TMEM97: variants seen among roughly 807,000 people sequenced by gnomAD.
TMEM97 encodes the protein transmembrane protein 97, also known as sigma intracellular receptor 2.
Under a neutral mutation model 18.3 loss-of-function variants are expected in TMEM97, and 13 were observed. The ratio of observed to expected loss-of-function variants is 0.71; its 90% CI spans 0.46 to 1.13. TMEM97 has a LOEUF of 1.13. TMEM97 is among the 50% of genes most tolerant of loss of function. TMEM97 has a pLI of 0.00. For missense variants in TMEM97, 205 were observed against 210.5 expected, an observed-to-expected ratio of 0.97 and a Z score of 0.16; for synonymous variants, 76 against 85.3, an observed-to-expected ratio of 0.89 and a Z score of 0.60.
At position 28,326,608 on chromosome 17, in the gene TMEM97, T is replaced by C. The variant is rs782810615; in HGVS notation, c.346T>C (p.Ser116Pro). 3 of 1,614,158 alleles carry C rather than the reference T, an allele frequency of 1.9e-6. No individual in the cohort carries two copies. Among genetic ancestry groups the C allele is most frequent in the East Asian group, 2.2e-5 (1 of 44,872 alleles). Residue 116 changes from serine (S) to proline (P), a missense_variant, in exon 3 of 3, where the codon TCC (serine) becomes CCC (proline). Coordinates refer to ENST00000226230, the MANE Select transcript of TMEM97 (RefSeq NM_014573.3). The part of the protein sequence containing the change: ...HTMTTLIPIL[S>P]TFLFEDFSKA... ...CATGACAACCTTAATTCCGATACTC[T>C]CCACATTTCTGTTTGAGGATTTCTC... is the stretch of plus-strand genomic sequence containing the variant.
chr17:28,325,358 A>G (rs1400692293), intron 1 of TMEM97, 145 bp from the exon 2 acceptor site: 14 of 1,023,708 alleles, frequency 1.4e-5, no homozygotes, highest in Non-Finnish European at 1.7e-5. Flanking sequence ...GTGTCACAAA[A>G]GCCAGCTGGA....
At position 28,326,905 on chromosome 17, in the gene TMEM97, G is replaced by T; in HGVS notation, c.*112G>T. Reference sequence around the variant, plus strand: ...GTCTTCAGCAGCATTTGAAACACTGGCAGCAATGCACAAGAGCAAGATGGT... The same window carrying T: ...GTCTTCAGCAGCATTTGAAACACTGTCAGCAATGCACAAGAGCAAGATGGT... On this transcript the variant is annotated 3_prime_UTR_variant, in exon 3 of 3. Transcript: ENST00000226230. 5.5e-6 allele frequency: 7 copies of T among 1,268,154 alleles called. No homozygotes were observed. The highest frequency in any genetic ancestry group is 7.6e-6 in the Non-Finnish European group (7 of 920,580). 78.6% of individuals were successfully genotyped at this position (1,268,154 alleles called of 1,614,324 possible).
At chr17:28,326,488 G>C in intron 2 of TMEM97, 46 bp from the exon 3 acceptor site, 1 of 1,586,654 alleles carries the variant, frequency 6.3e-7, no homozygotes, top group Non-Finnish European at 8.6e-7. Flanking sequence ...ACACCTTTGA[G>C]TCATGAACAG....
chr17:28,320,053 ATAGTTT>A (rs1271003485), intron 1 of TMEM97, among the ~76,000 whole-genome samples: 1 of 152,116 alleles, frequency 6.6e-6, no homozygotes. Context: ...CTTCAAAGCT[ATAGTTT>A]TAGTTTCCCG....
chr17:28,328,097 A>G lies in TMEM97; in HGVS notation c.*1304A>G, dbSNP rs1223230071. On this transcript the variant is annotated 3_prime_UTR_variant, in exon 3 of 3. Coordinates refer to ENST00000226230, the MANE Select transcript of TMEM97 (RefSeq NM_014573.3). ...GTCTTTGCTCAAGTTCAACCTTAAA[A>G]TGATGTTAGACAACAGGTCCCAGTC... 6.5e-6 allele frequency: 1 copy of G among 153,134 alleles called. No individual in the cohort carries two copies. The highest frequency in any genetic ancestry group is 6.5e-5 in the Admixed American group (1 of 15,290). 9.5% of individuals were successfully genotyped at this position (153,134 alleles called of 1,614,324 possible). A position where few individuals can be genotyped will look rare whatever the true frequency, so the allele number is the denominator to read the frequency against.
chr17:28,320,027 A>G (rs1555574758), intron 1 of TMEM97, among the ~76,000 whole-genome samples: 1 of 152,180 alleles, frequency 6.6e-6, no homozygotes, highest in East Asian at 1.9e-4. Context: ...ACTCTGCTTT[A>G]ATGCTTTGTT....
intron 1 of TMEM97, among the ~76,000 whole-genome samples, chr17:28,324,397 ATT>A (rs1333372303): frequency 6.6e-6 from 1 of 152,190 alleles, no homozygotes; most frequent in Non-Finnish European, 1.5e-5. Context: ...TGGGGCTTCT[ATT>A]TCACAATAGC....
intron 1 of TMEM97, among the ~76,000 whole-genome samples, chr17:28,320,239 G>T (rs1406497874): frequency 1.3e-5 from 2 of 152,158 alleles, no homozygotes; most frequent in African/African-American, 4.8e-5. Context: ...ATCTGCCGAG[G>T]AGGGGTTCTT....
intron 1 of TMEM97, 30 bp downstream of exon 1, chr17:28,319,395 C>T: frequency 1.4e-6 from 2 of 1,399,684 alleles, no homozygotes; most frequent in Non-Finnish European, 1.8e-6. Context: ...TCCCGGCCCG[C>T]TGAGGCTCTC....
intron 1 of TMEM97, among the ~76,000 whole-genome samples, chr17:28,321,300 C>A (rs1033039351): frequency 6.6e-6 from 1 of 152,218 alleles, no homozygotes; most frequent in Non-Finnish European, 1.5e-5. Flanking sequence ...TTCCAGACTT[C>A]ACAGCTGTTG....
rs1906370285 is a variant in TMEM97, at chr17:28,326,806, C to G, written c.*13C>G. ...AAAAAAAAAATGAAGGAAACAACCA[C>G]TGGCCCAGGGTAGAGATGCCTACAG... On this transcript the variant is annotated 3_prime_UTR_variant, in exon 3 of 3. Transcript: ENST00000226230. 1.2e-6 allele frequency: 2 copies of G among 1,607,338 alleles called. No homozygotes were observed. Among genetic ancestry groups the G allele is most frequent in the East Asian group, 2.2e-5 (1 of 44,886 alleles).
rs782802077 is a variant in TMEM97, at chr17:28,326,749, C to G, written c.487C>G (p.Arg163Gly). The part of the protein sequence containing the change: ...IPFILLIFML[R>G]SPYYKYEEKR... Reference sequence around the variant, plus strand: ...ATTCATACTTTTAATTTTCATGTTGCGGAGCCCCTACTACAAGTATGAAGA... The same window carrying G: ...ATTCATACTTTTAATTTTCATGTTGGGGAGCCCCTACTACAAGTATGAAGA... Residue 163 changes from arginine to glycine, a missense_variant, in exon 3 of 3, where the codon CGG becomes GGG. Arg to Gly is a moderately radical substitution (Grantham distance 125). Coordinates refer to ENST00000226230, the MANE Select transcript of TMEM97 (RefSeq NM_014573.3). 2 of 1,613,600 alleles carry G rather than the reference C, an allele frequency of 1.2e-6. No individual in the cohort carries two copies. The highest frequency in any genetic ancestry group is 1.7e-6 in the Non-Finnish European group (2 of 1,179,956).
In TMEM97 at chr17:28,327,091, A is replaced by G. The variant is rs1410959913; in HGVS notation, c.*298A>G. 1 of 372,542 alleles carries G rather than the reference A, an allele frequency of 2.7e-6. No individual in the cohort carries two copies. Among genetic ancestry groups the G allele is most frequent in the African/African-American group, 2.0e-5 (1 of 48,924 alleles). The allele number at this position is 372,542 out of a possible 1,614,324, so 23.1% of individuals were successfully genotyped here. A position where few individuals can be genotyped will look rare whatever the true frequency, so the allele number is the denominator to read the frequency against. ...AGCCATCTTCCTTAGCCTCCCAAGT[A>G]GCTAGAACTACAGGTGTGTACCAAC... is the stretch of plus-strand genomic sequence containing the variant. On this transcript the variant is annotated 3_prime_UTR_variant, in exon 3 of 3. Coordinates refer to ENST00000226230, the MANE Select transcript of TMEM97 (RefSeq NM_014573.3).
chr17:28,326,213 C>T (rs1018674611), intron 2 of TMEM97, among the ~76,000 whole-genome samples: 2 of 152,200 alleles, frequency 1.3e-5, no homozygotes, highest in Admixed American at 6.5e-5. Context: ...AATTACTGAA[C>T]AAACAGATGC....
Position 28,326,668 on chromosome 17 carries a change from A to T in TMEM97, c.406A>T (p.Thr136Ser), listed in dbSNP as rs782284222. ...ASGFKGQRPE[T>S]LHERLTLVSV... Reference sequence around the variant, plus strand: ...TGGTTTCAAGGGACAAAGACCTGAGACTTTGCATGAACGGTTAACCCTTGT... The same window carrying T: ...TGGTTTCAAGGGACAAAGACCTGAGTCTTTGCATGAACGGTTAACCCTTGT... Residue 136 changes from threonine (T) to serine (S), a missense_variant, in exon 3 of 3, where the codon ACT becomes TCT. Transcript: ENST00000226230. 1.9e-6 allele frequency: 3 copies of T among 1,614,024 alleles called. No homozygotes were observed. Among genetic ancestry groups the T allele is most frequent in the African/African-American group, 2.7e-5 (2 of 74,896 alleles).
chr17:28,324,885 T>C (rs1555575255), intron 1 of TMEM97, among the ~76,000 whole-genome samples: 1 of 152,190 alleles, frequency 6.6e-6, no homozygotes, highest in Non-Finnish European at 1.5e-5. Flanking sequence ...GTTAAGGAAC[T>C]TGTTTGTCAT....
chr17:28,325,622 C>T lies in TMEM97; in HGVS notation c.246C>T (p.Pro82=), dbSNP rs782105390. 7 of 1,614,212 alleles carry T rather than the reference C, an allele frequency of 4.3e-6. No individual in the cohort carries two copies. The South Asian group carries it at 6.6e-5, about 15-fold the overall frequency. The change falls in exon 2 of 3, where the codon CCC becomes CCT. Residue 82 remains proline (P), a synonymous_variant. Transcript: ENST00000226230. ...TTGTGTTTCAGCTGCCTTTCTTTCC[C>T]ATTGCAACGTATGCCTTCCTCAAAG... is the stretch of plus-strand genomic sequence containing the variant. ...CELVFQLPFF[P]IATYAFLKGS... is the part of the protein sequence containing the mutation.
intron 1 of TMEM97, among the ~76,000 whole-genome samples, chr17:28,325,014 G>T (rs1555575285): frequency 6.6e-6 from 1 of 151,608 alleles, no homozygotes; most frequent in African/African-American, 2.4e-5. Flanking sequence ...GCATTTGAGG[G>T]AATCTGGCCT....
chr17:28,326,964 A>T lies in TMEM97; in HGVS notation c.*171A>T, dbSNP rs1319722620. On this transcript the variant is annotated 3_prime_UTR_variant, in exon 3 of 3. Coordinates refer to ENST00000226230, the MANE Select transcript of TMEM97 (RefSeq NM_014573.3). ...CCATGTCAAACCCTCACCTTCTTCC[A>T]TTTTTTTTTTTTTTTTAAGACAGTC... is the stretch of plus-strand genomic sequence containing the variant. 50 of 620,018 alleles carry T rather than the reference A, an allele frequency of 8.1e-5. No homozygotes were observed. The highest frequency in any genetic ancestry group is 7.9e-4 in the African/African-American group (40 of 50,624). 38.4% of individuals were successfully genotyped at this position (620,018 alleles called of 1,614,324 possible).
Sources: gnomAD v4.1 joint callset for allele counts (sites outside exome capture counted in the v4.1 genomes callset) on GRCh38, gnomAD v4.1.1 for gene constraint, MANE v1.5 for transcripts, NCBI Gene and HGNC (gene_info 2026-07-23, HGNC 2026-07-21) for gene names.